Variants in MGLL observed in about 807,000 individuals in gnomAD.
MGLL encodes lysophospholipase homolog.
Under a neutral mutation model 29.1 loss-of-function variants are expected in MGLL, and 7 were observed. The observed-to-expected ratio is 0.24, with a 90% CI of 0.14 to 0.45. MGLL has a LOEUF of 0.45. MGLL is among the 20% of genes least tolerant of loss of function. MGLL has a pLI of 0.99. For missense variants in MGLL, 356 were observed against 413.6 expected, an observed-to-expected ratio of 0.86 and a Z score of 1.21; for synonymous variants, 148 against 168.3, an observed-to-expected ratio of 0.88 and a Z score of 0.93.
At chr3:127,792,008 C>T (rs1229657599) in intron 2 of MGLL, among the ~76,000 whole-genome samples, 4 of 152,202 alleles carry the variant, frequency 2.6e-5, no homozygotes, top group Admixed American at 1.3e-4. Context: ...GCAGAGGTTG[C>T]AGTGAACCAA....
chr3:127,815,902 C>T lies in MGLL; in HGVS notation c.155+5792G>A, dbSNP rs186798918. Among the ~76,000 whole-genome samples the T allele has an allele frequency of 3.5e-3, 531 of 152,306 alleles. 4 individuals carry two copies. Among genetic ancestry groups the T allele is most frequent in the African/African-American group, 0.011 (472 of 41,564 alleles). On this transcript the variant is annotated intron_variant, in intron 2 of 7. Transcript: ENST00000265052. ...CTTTGCCACCCTTTCCCCACCCTGGCGCCCAAGGACCATGTAGACGTCAAT... is the reference window on the plus strand; with the variant it reads ...CTTTGCCACCCTTTCCCCACCCTGGTGCCCAAGGACCATGTAGACGTCAAT...
chr3:127,701,778 C>G (rs1019784652), intron 6 of MGLL, among the ~76,000 whole-genome samples: 1 of 152,208 alleles, frequency 6.6e-6, no homozygotes, highest in Non-Finnish European at 1.5e-5. Flanking sequence ...TGCTTGTCGT[C>G]TGCACTACAG....
At position 127,737,709 on chromosome 3, in the gene MGLL, A is replaced by G. The variant is rs1473858214; in HGVS notation, c.263-15143T>C. ...GCCCAGGCTGGAGTGCAATGGCGCAATCTTGGCTCACTGCAACCTCCACCT... is the reference window on the plus strand; with the variant it reads ...GCCCAGGCTGGAGTGCAATGGCGCAGTCTTGGCTCACTGCAACCTCCACCT... On this transcript the variant is annotated intron_variant, in intron 3 of 7. Coordinates refer to ENST00000265052, the MANE Select transcript of MGLL (RefSeq NM_007283.7). 2.3e-5 allele frequency among the ~76,000 whole-genome samples: 3 copies of G among 132,620 alleles called. No homozygotes were observed. The East Asian group carries it at 7.0e-4, about 31-fold the overall frequency. The allele number at this position is 132,620 out of a possible 152,430, so 87.0% of individuals were successfully genotyped here. A position where few individuals can be genotyped will look rare whatever the true frequency, so the allele number is the denominator to read the frequency against.
chr3:127,770,052 A>G (rs1223720169), intron 3 of MGLL, among the ~76,000 whole-genome samples: 1 of 152,184 alleles, frequency 6.6e-6, no homozygotes, highest in African/African-American at 2.4e-5. Flanking sequence ...TTTCATACCT[A>G]GTTTCTCATT....
chr3:127,728,751 T>C (rs1410325695), intron 3 of MGLL, among the ~76,000 whole-genome samples: 1 of 152,234 alleles, frequency 6.6e-6, no homozygotes, highest in Non-Finnish European at 1.5e-5. Context: ...AGATGCAGGA[T>C]TGCTTGGCTG....
intron 3 of MGLL, among the ~76,000 whole-genome samples, chr3:127,776,638 C>T (rs751845471): frequency 1.4e-4 from 21 of 152,220 alleles, no homozygotes; most frequent in South Asian, 2.1e-4. Context: ...ATGGCACTTA[C>T]GGGCTCTCCA....
At chr3:127,755,718 T>G (rs535715621) in intron 3 of MGLL, among the ~76,000 whole-genome samples, 1 of 152,248 alleles carries the variant, frequency 6.6e-6, no homozygotes, top group Non-Finnish European at 1.5e-5. Flanking sequence ...TGTATTATTA[T>G]TTACCTAATA....
chr3:127,747,924 A>T (rs2076479095), intron 3 of MGLL, among the ~76,000 whole-genome samples: 1 of 152,154 alleles, frequency 6.6e-6, no homozygotes, highest in Non-Finnish European at 1.5e-5. Context: ...CTGGAACAGG[A>T]TTTGGCCACA....
chr3:127,721,319 C>A, intron 4 of MGLL, 156 bp from the exon 5 acceptor site: 1 of 643,020 alleles, frequency 1.6e-6, no homozygotes, highest in Admixed American at 2.7e-5. Context: ...GTTGGCTAAA[C>A]TAGATCTGCA....
chr3:127,702,331 G>T (rs75024390), intron 6 of MGLL, among the ~76,000 whole-genome samples: 3,970 of 152,290 alleles, frequency 0.026, 76 homozygotes, highest in East Asian at 0.064. Flanking sequence ...TGGCAGAGGG[G>T]AGATAGGCCC....
chr3:127,754,511 C>T (rs1191829722), intron 3 of MGLL, among the ~76,000 whole-genome samples: 5 of 152,224 alleles, frequency 3.3e-5, no homozygotes, highest in African/African-American at 9.6e-5. Flanking sequence ...GTACTTGCAA[C>T]GGCCCCGCTA....
intron 2 of MGLL, among the ~76,000 whole-genome samples, chr3:127,793,767 G>A (rs1245110084): frequency 6.6e-6 from 1 of 152,020 alleles, no homozygotes; most frequent in African/African-American, 2.4e-5. Context: ...TCACCATGTT[G>A]GCCAGGCTGG....
chr3:127,697,081 C>T (rs191258333), intron 6 of MGLL, among the ~76,000 whole-genome samples: 9 of 152,338 alleles, frequency 5.9e-5, no homozygotes, highest in Admixed American at 3.3e-4. Context: ...TAGCCACTTC[C>T]TGCAGCTGAG....
intron 2 of MGLL, among the ~76,000 whole-genome samples, chr3:127,818,678 A>G (rs1454725287): frequency 6.6e-6 from 1 of 152,206 alleles, no homozygotes; most frequent in East Asian, 1.9e-4. Context: ...AAGGAGAACA[A>G]TTGGATTTGG....
rs148704018 is a variant in MGLL at position 127,716,627 on chromosome 3, G to A, written c.510+4426C>T. 2.1e-3 allele frequency among the ~76,000 whole-genome samples: 321 copies of A among 152,348 alleles called. 4 individuals carry two copies. Among genetic ancestry groups the A allele is most frequent in the Admixed American group, 0.015 (226 of 15,310 alleles). On this transcript the variant is annotated intron_variant, in intron 5 of 7. Coordinates refer to ENST00000265052, the MANE Select transcript of MGLL (RefSeq NM_007283.7). ...TTAAATACTAGAGACAGGCACAAAT[G>A]CCTTTATTGATCCAGAAGGTTTTAA...
intron 7 of MGLL, 124 bp downstream of exon 7, chr3:127,694,851 G>A (rs1328540418): frequency 5.8e-6 from 5 of 860,744 alleles, no homozygotes; most frequent in Non-Finnish European, 9.7e-6. Context: ...GGTCAAGCAG[G>A]CTGGTCCCTA....
chr3:127,698,306 G>T (rs1248606892), intron 6 of MGLL, among the ~76,000 whole-genome samples: 1 of 152,184 alleles, frequency 6.6e-6, no homozygotes, highest in Non-Finnish European at 1.5e-5. Context: ...CCCTCAAGTG[G>T]CAGTTCTGGC....
Position 127,710,437 on chromosome 3 carries a change from A to G in MGLL, c.600+139T>C, listed in dbSNP as rs1576485984. ...CCAAACCTGAAGCCAACCATGTCTA[A>G]TGCACCACTGTGTCCTTGTCACTTT... On this transcript the variant is annotated intron_variant, in intron 6 of 7. Coordinates refer to ENST00000265052, the MANE Select transcript of MGLL (RefSeq NM_007283.7). The G allele has an allele frequency of 4.9e-6, 4 of 816,360 alleles. No homozygotes were observed. In the East Asian group the frequency reaches 1.1e-4, roughly 22 times the overall value. The allele number at this position is 816,360 out of a possible 1,614,324, so 50.6% of individuals were successfully genotyped here.
intron 3 of MGLL, among the ~76,000 whole-genome samples, chr3:127,732,537 G>A (rs1305965072): frequency 6.6e-6 from 1 of 152,176 alleles, no homozygotes; most frequent in Non-Finnish European, 1.5e-5. Flanking sequence ...AGAACCCGCT[G>A]TGTGAAAACA....
Sources: allele counts gnomAD v4.1 joint callset (sites outside exome capture counted in the v4.1 genomes callset), GRCh38; gene constraint gnomAD v4.1.1; transcripts MANE v1.5; gene names NCBI Gene and HGNC (gene_info 2026-07-23, HGNC 2026-07-21).